Variants in SUGCT observed in about 807,000 individuals in gnomAD.
The protein encoded by SUGCT is succinyl-CoA:glutarate-CoA transferase.
A neutral mutation model predicts 55.0 loss-of-function variants in SUGCT; 41 were observed. The ratio of observed to expected loss-of-function variants is 0.74; its 90% confidence interval spans 0.58 to 0.97. The LOEUF is 0.97. Ranked by LOEUF, SUGCT falls within the 50% of genes least tolerant of loss-of-function variation. The pLI is 0.00. For synonymous variants in SUGCT, 187 were observed against 200.4 expected (o/e 0.93, Z 0.56); for missense variants, 568 against 547.8 (o/e 1.04, Z -0.37).
intron 13 of SUGCT, among the ~76,000 whole-genome samples, chr7:40,749,993 A>G (rs1358058405): frequency 6.6e-6 from 1 of 152,164 alleles, no homozygotes; most frequent in Non-Finnish European, 1.5e-5. Context: ...TTTTCAGTAC[A>G]CCCAGAATAG....
chr7:40,272,669 T>A lies in SUGCT; in HGVS notation c.577-1844T>A, dbSNP rs1226481400. ...TTATTATTATTATTATTATTATTTTTTTTTTTTTGAGATGGAGTCTTGCTC... is the reference window on the plus strand; with the variant it reads ...TTATTATTATTATTATTATTATTTTATTTTTTTTGAGATGGAGTCTTGCTC... On this transcript the variant is annotated intron_variant, in intron 7 of 13. Transcript: ENST00000335693. Among the ~76,000 whole-genome samples the A allele has an allele frequency of 3.3e-5, 5 of 149,596 alleles. 1 individual carries two copies. In the East Asian group the frequency reaches 7.9e-4, roughly 24 times the overall value.
At chr7:40,544,480 T>A (rs1213856668) in intron 12 of SUGCT, among the ~76,000 whole-genome samples, 2 of 152,244 alleles carry the variant, frequency 1.3e-5, no homozygotes, top group Non-Finnish European at 2.9e-5. Context: ...ATGCCGAAGC[T>A]GACGGTGGTG....
At chr7:40,433,531 G>A (rs112845811) in intron 9 of SUGCT, among the ~76,000 whole-genome samples, 2,928 of 152,220 alleles carry the variant, frequency 0.019, 43 homozygotes, top group Non-Finnish European at 0.027. Context: ...TAGTTAAGCC[G>A]AATATGGCCA....
intron 9 of SUGCT, among the ~76,000 whole-genome samples, chr7:40,427,410 A>G (rs963044112): frequency 1.3e-5 from 2 of 152,186 alleles, no homozygotes; most frequent in Non-Finnish European, 2.9e-5. Context: ...AGCTCTGTCC[A>G]ACTTCAAAGT....
the SUGCT span, among the ~76,000 whole-genome samples, chr7:40,887,416 G>T: frequency 6.6e-6 from 1 of 152,178 alleles, no homozygotes; most frequent in Non-Finnish European, 1.5e-5. Flanking sequence ...GTAGTGGAAG[G>T]AGTCATGGAG....
intron 9 of SUGCT, among the ~76,000 whole-genome samples, chr7:40,367,066 C>G (rs1188837992): frequency 6.6e-6 from 1 of 151,972 alleles, no homozygotes; most frequent in African/African-American, 2.4e-5. Flanking sequence ...ACATATACAC[C>G]ATGGAATACT....
At chr7:40,991,660 G>A in the SUGCT span, among the ~76,000 whole-genome samples, 11 of 152,118 alleles carry the variant, frequency 7.2e-5, no homozygotes, top group East Asian at 1.9e-4. Flanking sequence ...ACTTCCTCCC[G>A]TTTGACCATG....
the SUGCT span, among the ~76,000 whole-genome samples, chr7:41,030,350 A>G: frequency 6.6e-6 from 1 of 152,194 alleles, no homozygotes; most frequent in African/African-American, 2.4e-5. Context: ...TACTTTCTGA[A>G]AAATGGTGGG....
chr7:40,204,033 G>T (rs1280519236), intron 6 of SUGCT, among the ~76,000 whole-genome samples: 1 of 151,802 alleles, frequency 6.6e-6, no homozygotes, highest in Non-Finnish European at 1.5e-5. Flanking sequence ...TAGTCACCTA[G>T]GCTGGAGTGC....
At chr7:40,308,098 T>C (rs1279726173) in intron 8 of SUGCT, among the ~76,000 whole-genome samples, 6 of 152,188 alleles carry the variant, frequency 3.9e-5, no homozygotes, top group Admixed American at 1.3e-4. Context: ...TAACAGTGTG[T>C]TTTCTAAGTA....
intron 6 of SUGCT, among the ~76,000 whole-genome samples, chr7:40,228,132 C>T (rs1364028939): frequency 2.0e-5 from 3 of 152,128 alleles, no homozygotes; most frequent in African/African-American, 7.2e-5. Flanking sequence ...TCCATCCCGC[C>T]TCCACCTCCC....
At chr7:40,672,213 A>G (rs1801976081) in intron 12 of SUGCT, among the ~76,000 whole-genome samples, 1 of 152,212 alleles carries the variant, frequency 6.6e-6, no homozygotes, top group South Asian at 2.1e-4. Flanking sequence ...CACAAATTTT[A>G]AGTAGAAATA....
chr7:40,229,156 A>T (rs1010459947), intron 6 of SUGCT, among the ~76,000 whole-genome samples: 2 of 152,206 alleles, frequency 1.3e-5, no homozygotes, highest in African/African-American at 4.8e-5. Context: ...GATAGTAGGA[A>T]TCTCAGTGAT....
intron 8 of SUGCT, 40 bp downstream of exon 8, chr7:40,274,696 CTG>C: frequency 6.3e-7 from 1 of 1,599,946 alleles, no homozygotes; most frequent in Non-Finnish European, 8.6e-7. Context: ...GTTATAAAAA[CTG>C]TGTCTGGGTT....
At chr7:40,329,985 G>A (rs1437580686) in intron 9 of SUGCT, among the ~76,000 whole-genome samples, 1 of 152,148 alleles carries the variant, frequency 6.6e-6, no homozygotes, top group African/African-American at 2.4e-5. Flanking sequence ...TGTCTTCCCT[G>A]TTGCATGGGT....
rs1270821798 is a variant in SUGCT, at chr7:40,274,558, A to G, written c.622A>G (p.Thr208Ala). Residue 208 changes from threonine to alanine, a missense_variant, in exon 8 of 14, where the codon ACT (threonine) becomes GCT (alanine). Physicochemically the swap from Thr to Ala is moderately conservative, Grantham distance 58. Transcript: ENST00000335693. ...AGGAGTAGCTATGACTGATCTTGCC[A>G]CTGGCCTGTATGCATATGGAGCTAT... is the stretch of plus-strand genomic sequence containing the variant. ...RPGVAMTDLA[T>A]GLYAYGAIMA... The G allele has an allele frequency of 6.2e-7, 1 of 1,613,684 alleles. No homozygotes were observed. Among genetic ancestry groups the G allele is most frequent in the African/African-American group, 1.3e-5 (1 of 74,932 alleles).
At chr7:40,987,410 C>G in the SUGCT span, among the ~76,000 whole-genome samples, 2 of 152,120 alleles carry the variant, frequency 1.3e-5, no homozygotes, top group African/African-American at 4.8e-5. Flanking sequence ...TGGTACCTTC[C>G]ACTATCTGTG....
chr7:40,507,341 A>G (rs1173595015), intron 12 of SUGCT, among the ~76,000 whole-genome samples: 1 of 152,032 alleles, frequency 6.6e-6, no homozygotes. Context: ...GGGGTAGGAG[A>G]TTTTAATCTT....
chr7:40,154,332 A>ATGTAC (rs1220589881), intron 1 of SUGCT, among the ~76,000 whole-genome samples: 2 of 152,002 alleles, frequency 1.3e-5, no homozygotes, highest in Non-Finnish European at 2.9e-5. Context: ...ATGTAATGTA[A>ATGTAC]TGGGATTGAA....
Sources: allele counts gnomAD v4.1 joint callset (sites outside exome capture counted in the v4.1 genomes callset), GRCh38; gene constraint gnomAD v4.1.1; transcripts MANE v1.5; gene names NCBI Gene and HGNC (gene_info 2026-07-23, HGNC 2026-07-21).